The following CEP135 variants were observed in gnomAD, a reference collection of about 807,000 sequenced individuals.
CEP135 encodes centrosomal protein of 135 kDa.
In CEP135, 142 loss-of-function variants were observed where a neutral mutation model predicts 157.3. The ratio of observed to expected loss-of-function variants is 0.90; its 90% CI spans 0.79 to 1.04. The LOEUF (loss-of-function observed/expected upper bound fraction) is 1.04. CEP135 is among the 50% of genes least tolerant of loss of function. CEP135 has a pLI of 0.00. For synonymous variants in CEP135, 396 were observed against 439.8 expected, an observed-to-expected ratio of 0.90 and a Z score of 1.25; for missense variants, 1,317 against 1,309.2, an observed-to-expected ratio of 1.01 and a Z score of -0.09.
At chr4:56,023,819 C>T (rs1312826994) in intron 24 of CEP135, among the ~76,000 whole-genome samples, 1 of 136,630 alleles carries the variant, frequency 7.3e-6, no homozygotes, top group Non-Finnish European at 1.5e-5. Flanking sequence ...ATATATAATG[C>T]ATTATATAAT....
intron 11 of CEP135, 117 bp from the exon 12 acceptor site, chr4:55,980,026 C>A: frequency 1.2e-6 from 1 of 840,188 alleles, no homozygotes; most frequent in Non-Finnish European, 1.9e-6. Flanking sequence ...TCCTTAATTA[C>A]GTTAAAGGCA....
chr4:56,026,600 TGGCAGTTTCCAGTTTG>T (rs1371791133), intron 25 of CEP135, among the ~76,000 whole-genome samples: 1 of 152,232 alleles, frequency 6.6e-6, no homozygotes, highest in Admixed American at 6.5e-5. Flanking sequence ...CATAAGCACT[TGGCAGTTTCCAGTTTG>T]GGCTATTACA....
In CEP135 at chr4:55,985,338, T is replaced by C. The variant is rs1273469558; in HGVS notation, c.1837T>C (p.Leu613=). The C allele has an allele frequency of 1.3e-6, 2 of 1,590,238 alleles. No homozygotes were observed. The highest frequency in any genetic ancestry group is 1.1e-5 in the South Asian group (1 of 89,608). ...AGAATTAGAGAAAACTATTGAACAT[T>C]TGACATGTGTTAATCATCAGGTAAT... is the stretch of plus-strand genomic sequence containing the variant. ...KSELEKTIEH[L]TCVNHQLESE... The change falls in exon 14 of 26, where the codon TTG becomes CTG. Residue 613 remains leucine, a synonymous_variant. Coordinates refer to ENST00000257287, the MANE Select transcript of CEP135 (RefSeq NM_025009.5).
intron 17 of CEP135, among the ~76,000 whole-genome samples, chr4:56,007,364 A>G (rs1253547625): frequency 6.6e-6 from 1 of 152,142 alleles, no homozygotes; most frequent in Non-Finnish European, 1.5e-5. Context: ...CCCATCTGGG[A>G]TGGGGGAGGT....
At chr4:55,985,033 TA>T (rs1354529790) in intron 13 of CEP135, among the ~76,000 whole-genome samples, 1 of 152,258 alleles carries the variant, frequency 6.6e-6, no homozygotes, top group Non-Finnish European at 1.5e-5. Flanking sequence ...GAATCCTTAC[TA>T]ATCTATGTCT....
At chr4:55,996,675 A>T (rs1226184908) in intron 15 of CEP135, among the ~76,000 whole-genome samples, 1 of 152,130 alleles carries the variant, frequency 6.6e-6, no homozygotes, top group African/African-American at 2.4e-5. Flanking sequence ...TCCTGGGAGA[A>T]ATCTAAAATA....
intron 24 of CEP135, among the ~76,000 whole-genome samples, chr4:56,021,505 A>C (rs1730971170): frequency 6.6e-6 from 1 of 152,144 alleles, no homozygotes; most frequent in South Asian, 2.1e-4. Flanking sequence ...ACCTGCTTTA[A>C]ATCGAAGTCT....
At chr4:55,981,192 G>A (rs763428814) in intron 12 of CEP135, 35 bp from the exon 13 acceptor site, 1 of 1,539,394 alleles carries the variant, frequency 6.5e-7, no homozygotes, top group South Asian at 1.3e-5. Flanking sequence ...TTTTACTAAA[G>A]TGCCTTTTTA....
chr4:55,974,127 T>C (rs1729114188), intron 10 of CEP135, among the ~76,000 whole-genome samples: 1 of 152,228 alleles, frequency 6.6e-6, no homozygotes, highest in Non-Finnish European at 1.5e-5. Context: ...ATGTAGTAAA[T>C]GCTTAATACA....
At chr4:55,974,046 C>A (rs1183545704) in intron 10 of CEP135, among the ~76,000 whole-genome samples, 2 of 152,160 alleles carry the variant, frequency 1.3e-5, no homozygotes, top group Admixed American at 1.3e-4. Context: ...TAGCTTTTAT[C>A]CTACTACAAT....
In CEP135 at chr4:56,011,966, TAGAAAA is replaced by T. The variant is rs1730601855; in HGVS notation, c.2789_2794del (p.Lys930_Glu931del). On this transcript the variant is annotated inframe_deletion, in exon 21 of 26. Coordinates refer to ENST00000257287, the MANE Select transcript of CEP135 (RefSeq NM_025009.5). ...CATCTTCGAGAAAGAGTGGAGCTAT[TAGAAAA>T]AGAAATTCAAGAGGTAATATATTTA... The T allele has an allele frequency of 6.5e-7, 1 of 1,545,414 alleles. No homozygotes were observed. The highest frequency in any genetic ancestry group is 1.4e-5 in the African/African-American group (1 of 71,128).
intron 7 of CEP135, among the ~76,000 whole-genome samples, chr4:55,964,603 T>A (rs1173984350): frequency 6.6e-6 from 1 of 152,116 alleles, no homozygotes; most frequent in Non-Finnish European, 1.5e-5. Context: ...CAAAGACTAA[T>A]GAGGCAGTAA....
At chr4:55,958,390 G>A (rs1406112832) in intron 5 of CEP135, among the ~76,000 whole-genome samples, 1 of 152,160 alleles carries the variant, frequency 6.6e-6, no homozygotes, top group Non-Finnish European at 1.5e-5. Flanking sequence ...AGCTGAGATT[G>A]AACCACTGCA....
At chr4:56,017,528 A>T in intron 21 of CEP135, 120 bp from the exon 22 acceptor site, 2 of 824,398 alleles carry the variant, frequency 2.4e-6, no homozygotes, top group Non-Finnish European at 3.7e-6. Context: ...AGAGTATTTT[A>T]AAATAAGCAA....
chr4:55,997,013 G>A (rs189190800), intron 15 of CEP135, among the ~76,000 whole-genome samples: 42 of 152,254 alleles, frequency 2.8e-4, no homozygotes, highest in Non-Finnish European at 5.0e-4. Flanking sequence ...CATTTTTATT[G>A]CTTCACTCTC....
chr4:55,986,949 T>C (rs1459072853), intron 14 of CEP135, among the ~76,000 whole-genome samples: 1 of 152,204 alleles, frequency 6.6e-6, no homozygotes, highest in African/African-American at 2.4e-5. Context: ...TAATTTTAGG[T>C]TGGATGCCAG....
At chr4:56,023,051 G>A (rs1020216357) in intron 24 of CEP135, among the ~76,000 whole-genome samples, 1 of 151,904 alleles carries the variant, frequency 6.6e-6, no homozygotes, top group Non-Finnish European at 1.5e-5. Context: ...GGGCAACATA[G>A]TATGACCCCT....
intron 19 of CEP135, 26 bp downstream of exon 19, chr4:56,009,929 A>G (rs1248144845): frequency 1.3e-6 from 2 of 1,599,838 alleles, no homozygotes; most frequent in African/African-American, 1.3e-5. Flanking sequence ...ATAAATTTTG[A>G]TAGTTTTATA....
chr4:55,995,203 C>A (rs1446113177), intron 15 of CEP135, among the ~76,000 whole-genome samples: 1 of 152,162 alleles, frequency 6.6e-6, no homozygotes, highest in Non-Finnish European at 1.5e-5. Flanking sequence ...GAAGGTTATT[C>A]CCCTGGAGCA....
Sources: allele counts gnomAD v4.1 joint callset (sites outside exome capture counted in the v4.1 genomes callset), GRCh38; gene constraint gnomAD v4.1.1; transcripts MANE v1.5; gene names NCBI Gene and HGNC (gene_info 2026-07-23, HGNC 2026-07-21).